Variants in WDR11 observed in about 807,000 individuals in gnomAD.
WDR11 encodes WD repeat-containing protein 11.
Under a neutral mutation model 151.2 loss-of-function variants are expected in WDR11, and 83 were observed. That is an observed-to-expected ratio of 0.55 (90% CI 0.46 to 0.66). The LOEUF (loss-of-function observed/expected upper bound fraction) is 0.66. Among genes scored for constraint, WDR11 ranks in the 30% least tolerant of loss-of-function variants. WDR11 has a pLI of 0.00. For synonymous variants in WDR11, 484 were observed against 533.1 expected (o/e 0.91, Z 1.27); for missense variants, 1,301 against 1,480.9 (o/e 0.88, Z 1.99).
At chr10:120,894,316 T>C (rs1165274246) in intron 19 of WDR11, among the ~76,000 whole-genome samples, 1 of 152,188 alleles carries the variant, frequency 6.6e-6, no homozygotes, top group Non-Finnish European at 1.5e-5. Context: ...GAAAGAAGCT[T>C]TCTGAAATCA....
At chr10:120,907,756 C>T (rs1204491576) in intron 28 of WDR11, 1 of 152,024 alleles carries the variant, frequency 6.6e-6, no homozygotes, top group African/African-American at 2.4e-5. Flanking sequence ...GCAGTCCTCC[C>T]ACCTCATCCT....
At chr10:120,871,140 A>G in intron 9 of WDR11, 30 bp from the exon 10 acceptor site, 1 of 1,609,258 alleles carries the variant, frequency 6.2e-7, no homozygotes, top group Non-Finnish European at 8.5e-7. Flanking sequence ...CACTGTAGTT[A>G]ATATATTTGT....
Position 120,857,219 on chromosome 10 carries a change from A to G in WDR11, c.199-1424A>G, listed in dbSNP as rs564865781. ...CAAAAATGTGAAAAATGTGGTACTA[A>G]ATAAATCATGAGATGAACACTTGTT... On this transcript the variant is annotated intron_variant, in intron 2 of 28. Coordinates refer to ENST00000263461, the MANE Select transcript of WDR11 (RefSeq NM_018117.12). Among the ~76,000 whole-genome samples the G allele has an allele frequency of 2.6e-4, 40 of 152,348 alleles. 1 individual carries two copies. Among genetic ancestry groups the G allele is most frequent in the South Asian group, 4.1e-4 (2 of 4,826 alleles).
chr10:120,864,001 G>A (rs1447679432), intron 5 of WDR11, among the ~76,000 whole-genome samples: 1 of 152,084 alleles, frequency 6.6e-6, no homozygotes, highest in East Asian at 1.9e-4. Context: ...TATAAGTTAT[G>A]TTTTATATTT....
At chr10:120,896,955 A>T (rs1009917641) in intron 19 of WDR11, among the ~76,000 whole-genome samples, 1 of 152,196 alleles carries the variant, frequency 6.6e-6, no homozygotes, top group Non-Finnish European at 1.5e-5. Context: ...TCCAGGCTAA[A>T]AGGAGCCAGA....
chr10:120,908,336 G>A (rs1000798005), intron 28 of WDR11: 8 of 570,172 alleles, frequency 1.4e-5, no homozygotes, highest in African/African-American at 1.3e-4. Context: ...TGGTACGAAA[G>A]GTAATGATGG....
chr10:120,875,953 A>C (rs907192164), intron 11 of WDR11, among the ~76,000 whole-genome samples: 2 of 150,566 alleles, frequency 1.3e-5, no homozygotes, highest in African/African-American at 4.9e-5. Context: ...CATTTTCTTA[A>C]TGGAGAAGGG....
At chr10:120,857,094 A>G (rs1278612996) in intron 2 of WDR11, among the ~76,000 whole-genome samples, 2 of 152,062 alleles carry the variant, frequency 1.3e-5, no homozygotes, top group Admixed American at 1.3e-4. Context: ...ATATATATGT[A>G]TGTATTTTTT....
Position 120,889,946 on chromosome 10 carries a change from T to C in WDR11, c.2280T>C (p.Gly760=), listed in dbSNP as rs1449524953. ...SWVRKIRFAP[G]KGNQKLIAMY... is the part of the protein sequence containing the mutation. ...TGAGGAAGATTCGTTTTGCTCCTGG[T>C]AAAGGAAATCAAAAATTAATAGCAA... Residue 760 remains glycine (G), a synonymous_variant, in exon 18 of 29, where the codon GGT becomes GGC. Coordinates refer to ENST00000263461, the MANE Select transcript of WDR11 (RefSeq NM_018117.12). 6.2e-7 allele frequency: 1 copy of C among 1,614,084 alleles called. No homozygotes were observed. The highest frequency in any genetic ancestry group is 1.1e-5 in the South Asian group (1 of 91,076).
At chr10:120,858,518 G>T (rs1846025920) in intron 2 of WDR11, 125 bp from the exon 3 acceptor site, 1 of 1,200,192 alleles carries the variant, frequency 8.3e-7, no homozygotes, top group Non-Finnish European at 1.2e-6. Flanking sequence ...CCAGTTTTCT[G>T]TTTATTCTTG....
chr10:120,858,743 T>C lies in WDR11; in HGVS notation c.299T>C (p.Val100Ala), dbSNP rs1229283266. 2 of 1,614,086 alleles carry C rather than the reference T, an allele frequency of 1.2e-6. No individual in the cohort carries two copies. Among genetic ancestry groups the C allele is most frequent in the African/African-American group, 2.7e-5 (2 of 74,938 alleles). Residue 100 changes from valine (V) to alanine (A), a missense_variant, in exon 3 of 29, where the codon GTA (valine) becomes GCA (alanine). This residue lies in a region of WDR11 where 692 missense variants were observed against 762.5 expected (regional missense o/e 0.91). Coordinates refer to ENST00000263461, the MANE Select transcript of WDR11 (RefSeq NM_018117.12). ...DVNGKIIVWD[V>A]AAGVAQCEIQ... Reference sequence around the variant, plus strand: ...AATGGGAAGATCATCGTCTGGGATGTAGCAGCAGGAGTAGCTCAGTGTGAG... The same window carrying C: ...AATGGGAAGATCATCGTCTGGGATGCAGCAGCAGGAGTAGCTCAGTGTGAG...
chr10:120,890,013 G>C lies in WDR11; in HGVS notation c.2343+4G>C. The C allele has an allele frequency of 6.4e-7, 1 of 1,573,136 alleles. No individual in the cohort carries two copies. Among genetic ancestry groups the C allele is most frequent in the African/African-American group, 1.3e-5 (1 of 74,188 alleles). ...TGAAGTGTGGGATACTAAAGAGGTA[G>C]GCCCTCTCCATGAGGATAAAACGTA... is the stretch of plus-strand genomic sequence containing the variant. On this transcript the variant is annotated splice_donor_region_variant and intron_variant, in intron 18 of 28. Transcript: ENST00000263461.
In WDR11 at chr10:120,862,760, C is replaced by T. The variant is rs761296035; in HGVS notation, c.552C>T (p.Phe184=). The change falls in exon 5 of 29, where the codon TTC becomes TTT. Residue 184 remains phenylalanine, a synonymous_variant. Coordinates refer to ENST00000263461, the MANE Select transcript of WDR11 (RefSeq NM_018117.12). The part of the protein sequence containing the change: ...LTLLTSEGIV[F]ISDFSPSKPP... ...TGCTTACCAGCGAGGGTATTGTTTT[C>T]ATCTCAGACTTCTCCCCATCCAAGC... is the stretch of plus-strand genomic sequence containing the variant. 1.5e-5 allele frequency: 24 copies of T among 1,614,078 alleles called. No individual in the cohort carries two copies. Among genetic ancestry groups the T allele is most frequent in the Non-Finnish European group, 2.0e-5 (24 of 1,180,008 alleles).
At position 120,883,613 on chromosome 10, in the gene WDR11, G is replaced by A. The variant is rs1322623389; in HGVS notation, c.1740-167G>A. ...TATGTTCTCTTACAGGTCACTTAGA[G>A]CTTTACCTTCTTATGACTGTTAATC... On this transcript the variant is annotated intron_variant, in intron 13 of 28. Transcript: ENST00000263461. 2.6e-5 allele frequency among the ~76,000 whole-genome samples: 4 copies of A among 152,240 alleles called. No individual in the cohort carries two copies. In the East Asian group the frequency reaches 7.7e-4, roughly 29 times the overall value.
rs541625244 is a variant in WDR11 at position 120,870,631 on chromosome 10, ATTTAC to A, written c.1295-536_1295-532del. Among the ~76,000 whole-genome samples, 507 of 152,292 alleles carry A rather than the reference ATTTAC, an allele frequency of 3.3e-3. 1 individual carries two copies. Among genetic ancestry groups the A allele is most frequent in the Non-Finnish European group, 5.8e-3 (396 of 68,000 alleles). On this transcript the variant is annotated intron_variant, in intron 9 of 28. Coordinates refer to ENST00000263461, the MANE Select transcript of WDR11 (RefSeq NM_018117.12). ...ATATATATATTTGTATTTGTTTTAT[ATTTAC>A]TTATAAAACATTTTGTAATTACACT... is the stretch of plus-strand genomic sequence containing the variant.
chr10:120,885,867 T>C lies in WDR11; in HGVS notation c.1902T>C (p.Thr634=), dbSNP rs1192496074. 3.7e-6 allele frequency: 6 copies of C among 1,613,896 alleles called. No individual in the cohort carries two copies. In the South Asian group the frequency reaches 6.6e-5, roughly 18 times the overall value. The change falls in exon 15 of 29, where the codon ACT becomes ACC. Residue 634 remains threonine (T), a synonymous_variant. Coordinates refer to ENST00000263461, the MANE Select transcript of WDR11 (RefSeq NM_018117.12). ...LKSLRKKQLA[T]REAMARQTVV... ...GCCTGAGAAAGAAGCAACTTGCAACTCGAGAGGCCATGGCCCGCCAGACCG... is the reference window on the plus strand; with the variant it reads ...GCCTGAGAAAGAAGCAACTTGCAACCCGAGAGGCCATGGCCCGCCAGACCG...
intron 25 of WDR11, 65 bp downstream of exon 25, chr10:120,904,876 C>G (rs10886798): frequency 8.9e-6 from 14 of 1,576,306 alleles, no homozygotes; most frequent in Non-Finnish European, 1.2e-5. Context: ...AGCAAAGTAT[C>G]TGATTAGTAG....
intron 21 of WDR11, among the ~76,000 whole-genome samples, chr10:120,901,325 G>A (rs1180515410): frequency 6.6e-6 from 1 of 152,202 alleles, no homozygotes; most frequent in Non-Finnish European, 1.5e-5. Context: ...CCAAGTTCAT[G>A]AGCACCAGCT....
chr10:120,872,140 G>A (rs1846568288), intron 10 of WDR11, among the ~76,000 whole-genome samples: 1 of 152,034 alleles, frequency 6.6e-6, no homozygotes, highest in African/African-American at 2.4e-5. Flanking sequence ...TTTATTCTGT[G>A]GCCAACATGG....
Sources: allele counts gnomAD v4.1 joint callset (sites outside exome capture counted in the v4.1 genomes callset), GRCh38; gene constraint gnomAD v4.1.1; regional missense constraint gnomAD v4.1.1; transcripts MANE v1.5; gene names NCBI Gene and HGNC (gene_info 2026-07-23, HGNC 2026-07-21).